The following ERC1 variants were observed in gnomAD, a reference collection of about 807,000 sequenced individuals.
The protein encoded by ERC1 is ELKS/RAB6-interacting/CAST family member 1.
Under a neutral mutation model 132.0 loss-of-function variants are expected in ERC1, and 56 were observed. The ratio of observed to expected loss-of-function variants is 0.42; its 90% CI spans 0.34 to 0.53. The LOEUF is 0.53. Among genes scored for constraint, ERC1 ranks in the 20% least tolerant of loss-of-function variants. The pLI is 0.03. For missense variants in ERC1, 1,202 were observed against 1,349.9 expected (o/e 0.89, Z 1.72); for synonymous variants, 478 against 476.1 (o/e 1.00, Z -0.05).
At chr12:1,297,214 AAT>A (rs1188047094) in intron 15 of ERC1, among the ~76,000 whole-genome samples, 11 of 144,844 alleles carry the variant, frequency 7.6e-5, no homozygotes, top group Non-Finnish European at 1.7e-4. Context: ...AAAAAAAAAA[AAT>A]TAGCCTAAAA....
rs2082199193 is a variant in ERC1 at position 1,322,801 on chromosome 12, T to G, written c.2780+32789T>G. On this transcript the variant is annotated intron_variant, in intron 15 of 18. Coordinates refer to ENST00000360905, the MANE Select transcript of ERC1 (RefSeq NM_178040.4). ...AAACTTTTAACTTGGTTCTCCAGCC[T>G]GGCGACCTTAATTTGTCCATTTTAG... Among the ~76,000 whole-genome samples the G allele has an allele frequency of 2.0e-5, 3 of 152,288 alleles. No homozygotes were observed. The South Asian group carries it at 6.2e-4, about 32-fold the overall frequency.
chr12:1,398,278 C>G (rs573295299), intron 16 of ERC1, among the ~76,000 whole-genome samples: 1 of 152,186 alleles, frequency 6.6e-6, no homozygotes, highest in South Asian at 2.1e-4. Context: ...GCCACCGTGC[C>G]CAGCCCAAAT....
chr12:1,138,980 G>C (rs1161284889), intron 7 of ERC1, among the ~76,000 whole-genome samples: 1 of 152,196 alleles, frequency 6.6e-6, no homozygotes, highest in Non-Finnish European at 1.5e-5. Context: ...TGCCGTGAGA[G>C]AGTGTGAAGT....
At chr12:1,127,784 G>T (rs1262796139) in intron 7 of ERC1, among the ~76,000 whole-genome samples, 1 of 152,130 alleles carries the variant, frequency 6.6e-6, no homozygotes, top group East Asian at 1.9e-4. Flanking sequence ...GGAGGGATGG[G>T]TATTGGACAT....
At chr12:1,125,544 G>C (rs909541779) in intron 7 of ERC1, among the ~76,000 whole-genome samples, 1 of 152,090 alleles carries the variant, frequency 6.6e-6, no homozygotes, top group Non-Finnish European at 1.5e-5. Flanking sequence ...GGCCGGGCAC[G>C]GTGGCTCACG....
At chr12:1,254,061 T>C (rs1024904987) in intron 13 of ERC1, among the ~76,000 whole-genome samples, 1 of 152,190 alleles carries the variant, frequency 6.6e-6, no homozygotes, top group Non-Finnish European at 1.5e-5. Flanking sequence ...AAAAGTAGGC[T>C]TCAGTTACAT....
Position 1,143,048 on chromosome 12 carries a change from G to A in ERC1, c.1737+1261G>A, listed in dbSNP as rs556971960. ...CAAGTAGCTGGGACTACAGGTGCCT[G>A]CCCCCACATCTGGTTAATTTTTTGT... On this transcript the variant is annotated intron_variant, in intron 8 of 18. Transcript: ENST00000360905. Among the ~76,000 whole-genome samples, 361 of 152,034 alleles carry A rather than the reference G, an allele frequency of 2.4e-3. 1 individual carries two copies. Among genetic ancestry groups the A allele is most frequent in the African/African-American group, 7.6e-3 (316 of 41,494 alleles).
chr12:1,099,682 G>A (rs767241483), intron 3 of ERC1, among the ~76,000 whole-genome samples: 1 of 151,896 alleles, frequency 6.6e-6, no homozygotes, highest in Non-Finnish European at 1.5e-5. Context: ...GAATAAAAAA[G>A]AAAAATTCCT....
Position 995,551 on chromosome 12 carries a change from G to A in ERC1, c.-157+4229G>A, listed in dbSNP as rs558717247. 7.9e-5 allele frequency among the ~76,000 whole-genome samples: 12 copies of A among 152,292 alleles called. No individual in the cohort carries two copies. The South Asian group carries it at 2.3e-3, about 29-fold the overall frequency. ...TTTGTGGAGAAACCAGAAGTTCAGG[G>A]TGATGTCCAGGAAGAGTGAGAAATG... is the stretch of plus-strand genomic sequence containing the variant. On this transcript the variant is annotated intron_variant, in intron 1 of 18. Coordinates refer to ENST00000360905, the MANE Select transcript of ERC1 (RefSeq NM_178040.4).
At chr12:1,378,018 T>C (rs537621703) in intron 16 of ERC1, among the ~76,000 whole-genome samples, 1 of 152,342 alleles carries the variant, frequency 6.6e-6, no homozygotes, top group Admixed American at 6.5e-5. Flanking sequence ...TTAATTCTTC[T>C]CTAGCCAAAC....
At chr12:1,029,744 C>CTT (rs747890124) in intron 2 of ERC1, among the ~76,000 whole-genome samples, 1,634 of 114,188 alleles carry the variant, frequency 0.014, 57 homozygotes, top group East Asian at 0.028. Flanking sequence ...GTTAAACATA[C>CTT]TTTTTTTTTT....
At chr12:1,462,155 A>G (rs1268083917) in intron 18 of ERC1, among the ~76,000 whole-genome samples, 2 of 152,248 alleles carry the variant, frequency 1.3e-5, no homozygotes, top group Non-Finnish European at 2.9e-5. Flanking sequence ...GTACTACAGT[A>G]TCACTAAAAT....
intron 8 of ERC1, among the ~76,000 whole-genome samples, chr12:1,164,613 T>A (rs1952218156): frequency 6.6e-6 from 1 of 152,222 alleles, no homozygotes. Context: ...GTGCTGGGAT[T>A]ACAGGCGTGA....
At chr12:1,039,538 A>G (rs1005579307) in intron 2 of ERC1, among the ~76,000 whole-genome samples, 3 of 151,470 alleles carry the variant, frequency 2.0e-5, no homozygotes, top group African/African-American at 7.3e-5. Flanking sequence ...AAAAAAAAAA[A>G]GAAAGAAAAG....
intron 8 of ERC1, among the ~76,000 whole-genome samples, chr12:1,169,387 T>C (rs1952810025): frequency 6.6e-6 from 1 of 152,206 alleles, no homozygotes; most frequent in African/African-American, 2.4e-5. Flanking sequence ...GGTGCCATGG[T>C]TTGAATTCCT....
rs2094346077 is a variant in ERC1 at position 1,494,794 on chromosome 12, A to G, written c.*4564A>G. On this transcript the variant is annotated 3_prime_UTR_variant, in exon 19 of 19. Transcript: ENST00000360905. The stretch of plus-strand genomic sequence containing the variant: ...TGAGATTATTAAAAGATTAAAACGT[A>G]GTTGTAGAAATGAAAAATTAAACAG... 2 of 230,122 alleles carry G rather than the reference A, an allele frequency of 8.7e-6. No homozygotes were observed. The highest frequency in any genetic ancestry group is 8.6e-6 in the Non-Finnish European group (1 of 116,116). The allele number at this position is 230,122 out of a possible 1,614,324, so 14.3% of individuals were successfully genotyped here.
chr12:1,425,360 T>A (rs929063845), intron 17 of ERC1, among the ~76,000 whole-genome samples: 1 of 152,208 alleles, frequency 6.6e-6, no homozygotes, highest in African/African-American at 2.4e-5. Flanking sequence ...CATTCTGCTT[T>A]CTTCCCCTTC....
chr12:1,383,610 G>A (rs542681829), intron 16 of ERC1, among the ~76,000 whole-genome samples: 5 of 151,980 alleles, frequency 3.3e-5, no homozygotes, highest in Admixed American at 1.3e-4. Context: ...CTCCAGCCTG[G>A]GTGACAAAAC....
At chr12:1,135,342 A>C (rs559252968) in intron 7 of ERC1, among the ~76,000 whole-genome samples, 1 of 152,298 alleles carries the variant, frequency 6.6e-6, no homozygotes, top group East Asian at 1.9e-4. Context: ...TGTTTTCAAC[A>C]TTTTAGTGAT....
Sources: allele counts gnomAD v4.1 joint callset (sites outside exome capture counted in the v4.1 genomes callset), GRCh38; gene constraint gnomAD v4.1.1; transcripts MANE v1.5; gene names NCBI Gene and HGNC (gene_info 2026-07-23, HGNC 2026-07-21).